The following SYT1 variants were observed in gnomAD, a reference collection of about 807,000 sequenced individuals.
SYT1 encodes the protein synaptotagmin 1.
In SYT1, 8 loss-of-function variants were observed where a neutral mutation model predicts 44.8. The ratio of observed to expected loss-of-function variants is 0.18; its 90% CI spans 0.10 to 0.32. SYT1 has a LOEUF of 0.32. SYT1 is among the 10% of genes least tolerant of loss of function. The pLI is 1.00. For synonymous variants in SYT1, 154 were observed against 188.8 expected, an observed-to-expected ratio of 0.82 and a Z score of 1.51; for missense variants, 286 against 509.3, an observed-to-expected ratio of 0.56 and a Z score of 4.22.
At chr12:79,259,184 A>G (rs563638872) in intron 4 of SYT1, among the ~76,000 whole-genome samples, 17 of 152,330 alleles carry the variant, frequency 1.1e-4, no homozygotes, top group African/African-American at 4.1e-4. Context: ...GTACTCACCA[A>G]ATCATTTTAC....
At chr12:78,923,170 T>C (rs565956263) in intron 1 of SYT1, among the ~76,000 whole-genome samples, 15 of 152,118 alleles carry the variant, frequency 9.9e-5, no homozygotes, top group African/African-American at 3.1e-4. Flanking sequence ...CTGTCCAATA[T>C]GGTGGTTAGT....
At position 78,931,445 on chromosome 12, in the gene SYT1, TAGAG is replaced by T. The variant is rs749988630; in HGVS notation, c.-216-46346_-216-46343del. Among the ~76,000 whole-genome samples, 111 of 107,426 alleles carry T rather than the reference TAGAG, an allele frequency of 1.0e-3. 2 individuals carry two copies. Among genetic ancestry groups the T allele is most frequent in the Middle Eastern group, 6.7e-3 (1 of 150 alleles). 70.5% of individuals were successfully genotyped at this position (107,426 alleles called of 152,430 possible). ...GAAGGAAGGAAGGAAAAGAAAGAAATAGAGAGAGAGAAAGAAAGAAAAAGAAAGA... is the reference window on the plus strand; with the variant it reads ...GAAGGAAGGAAGGAAAAGAAAGAAATAGAGAGAAAGAAAGAAAAAGAAAGA... On this transcript the variant is annotated intron_variant, in intron 1 of 10. Coordinates refer to ENST00000261205, the MANE Select transcript of SYT1 (RefSeq NM_005639.3).
At chr12:79,238,436 G>A (rs1312199704) in intron 4 of SYT1, among the ~76,000 whole-genome samples, 1 of 152,112 alleles carries the variant, frequency 6.6e-6, no homozygotes, top group Non-Finnish European at 1.5e-5. Flanking sequence ...TGTTGACCTT[G>A]GAAAGCCTTG....
chr12:79,354,809 C>A (rs904812319), intron 9 of SYT1, among the ~76,000 whole-genome samples: 3 of 152,140 alleles, frequency 2.0e-5, no homozygotes, highest in African/African-American at 7.2e-5. Context: ...AATAACAGTT[C>A]CCTCCTAGAT....
intron 3 of SYT1, among the ~76,000 whole-genome samples, chr12:79,119,097 T>C (rs769476193): frequency 2.6e-5 from 4 of 152,078 alleles, no homozygotes; most frequent in Non-Finnish European, 2.9e-5. Flanking sequence ...TCCTACAAAT[T>C]TTATCTCCTC....
chr12:79,032,918 T>C (rs1872913370), intron 2 of SYT1, among the ~76,000 whole-genome samples: 1 of 151,328 alleles, frequency 6.6e-6, no homozygotes. Context: ...TGCTATAGTA[T>C]ATAACTCCAA....
chr12:79,193,933 G>A (rs913103336), intron 3 of SYT1, among the ~76,000 whole-genome samples: 8 of 151,930 alleles, frequency 5.3e-5, no homozygotes. Flanking sequence ...TTATCATAGA[G>A]CATATGATTT....
At chr12:79,071,866 T>G (rs1353463228) in intron 3 of SYT1, among the ~76,000 whole-genome samples, 1 of 152,130 alleles carries the variant, frequency 6.6e-6, no homozygotes, top group Non-Finnish European at 1.5e-5. Context: ...AAGACCCTAT[T>G]TCCACATAAA....
chr12:79,113,354 G>A (rs1472451430), intron 3 of SYT1, among the ~76,000 whole-genome samples: 1 of 152,044 alleles, frequency 6.6e-6, no homozygotes, highest in Non-Finnish European at 1.5e-5. Flanking sequence ...GCACTTACTG[G>A]CACTGAATAA....
Position 79,085,295 on chromosome 12 carries a change from A to G in SYT1, c.-18+37933A>G, listed in dbSNP as rs59619373. Among the ~76,000 whole-genome samples the G allele has an allele frequency of 8.1e-3, 1,235 of 152,242 alleles. 19 individuals carry two copies. Among genetic ancestry groups the G allele is most frequent in the African/African-American group, 0.028 (1,176 of 41,550 alleles). On this transcript the variant is annotated intron_variant, in intron 3 of 10. Coordinates refer to ENST00000261205, the MANE Select transcript of SYT1 (RefSeq NM_005639.3). Reference sequence around the variant, plus strand: ...TAATGTGGCAGAGGTGGAATTTTCCACTTGTGGCGTCATGTCTGTGCTCAA... The same window carrying G: ...TAATGTGGCAGAGGTGGAATTTTCCGCTTGTGGCGTCATGTCTGTGCTCAA...
chr12:79,101,459 G>C (rs1878439884), intron 3 of SYT1, among the ~76,000 whole-genome samples: 1 of 152,160 alleles, frequency 6.6e-6, no homozygotes, highest in Non-Finnish European at 1.5e-5. Flanking sequence ...AGTGCTGAAG[G>C]AAGGGAAGAA....
rs370118342 is a variant in SYT1 at position 79,340,727 on chromosome 12, A to C, written c.811-12775A>C. On this transcript the variant is annotated intron_variant, in intron 8 of 10. Transcript: ENST00000261205. The stretch of plus-strand genomic sequence containing the variant: ...TACCATGATGGATGCCATGTTGCCC[A>C]TTAGGGGGTGAAACAGTGTTTCATA... Among the ~76,000 whole-genome samples, 11 of 152,276 alleles carry C rather than the reference A, an allele frequency of 7.2e-5. No homozygotes were observed. In the East Asian group the frequency reaches 1.9e-3, roughly 27 times the overall value.
intron 3 of SYT1, among the ~76,000 whole-genome samples, chr12:79,078,776 A>G (rs1438519413): frequency 6.6e-6 from 1 of 152,180 alleles, no homozygotes; most frequent in Non-Finnish European, 1.5e-5. Context: ...AGAGAAGAAT[A>G]CATCAGTTTG....
chr12:78,904,467 A>T (rs1262334347), intron 1 of SYT1, among the ~76,000 whole-genome samples: 1 of 152,184 alleles, frequency 6.6e-6, no homozygotes, highest in Non-Finnish European at 1.5e-5. Flanking sequence ...ATAAAACATC[A>T]TAACCTCTAT....
At chr12:79,218,129 T>C (rs940121618) in intron 4 of SYT1, among the ~76,000 whole-genome samples, 7 of 152,304 alleles carry the variant, frequency 4.6e-5, no homozygotes, top group Non-Finnish European at 8.8e-5. Flanking sequence ...AAAAATCTTA[T>C]TGTTATTTTT....
intron 4 of SYT1, among the ~76,000 whole-genome samples, chr12:79,279,096 A>C (rs953609739): frequency 6.6e-6 from 1 of 151,980 alleles, no homozygotes; most frequent in African/African-American, 2.4e-5. Flanking sequence ...TAAAACTGAC[A>C]TCAATCCTAC....
At chr12:79,444,345 G>C (rs1870590777) in intron 10 of SYT1, 139 bp downstream of exon 10, 1 of 1,089,196 alleles carries the variant, frequency 9.2e-7, no homozygotes, top group South Asian at 1.6e-5. Flanking sequence ...CACATTTGAT[G>C]CTTGAGCTAC....
chr12:79,141,479 T>G (rs1344493592), intron 3 of SYT1, among the ~76,000 whole-genome samples: 2 of 152,070 alleles, frequency 1.3e-5, no homozygotes, highest in Non-Finnish European at 2.9e-5. Flanking sequence ...TTTCTTCCAT[T>G]TATATTATTG....
chr12:79,130,428 GT>G (rs1258261078), intron 3 of SYT1, among the ~76,000 whole-genome samples: 4 of 152,140 alleles, frequency 2.6e-5, no homozygotes, highest in Non-Finnish European at 5.9e-5. Context: ...CCATCGTATT[GT>G]TCATAAGCAG....
Sources: gnomAD v4.1 joint callset for allele counts (sites outside exome capture counted in the v4.1 genomes callset) on GRCh38, gnomAD v4.1.1 for gene constraint, MANE v1.5 for transcripts, NCBI Gene and HGNC (gene_info 2026-07-23, HGNC 2026-07-21) for gene names.